The following CFAP20DC variants were observed in gnomAD, a reference collection of about 807,000 sequenced individuals.
The protein encoded by CFAP20DC is protein CFAP20DC.
In CFAP20DC, 84 loss-of-function variants were observed where a neutral mutation model predicts 101.7. That is an observed-to-expected ratio of 0.83 (90% confidence interval 0.69 to 0.99). The LOEUF is 0.99. Among genes scored for constraint, CFAP20DC ranks in the 50% least tolerant of loss-of-function variants. The pLI, the probability that CFAP20DC is intolerant of heterozygous loss-of-function variation, is 0.00. For synonymous variants in CFAP20DC, 359 were observed against 351.2 expected (o/e 1.02, Z -0.25); for missense variants, 1,007 against 970.3 (o/e 1.04, Z -0.50).
chr3:58,856,183 T>C (rs2078793889), intron 12 of CFAP20DC, among the ~76,000 whole-genome samples: 1 of 151,364 alleles, frequency 6.6e-6, no homozygotes, highest in South Asian at 2.1e-4. Flanking sequence ...AGAACTGCAT[T>C]GTTAAGGATC....
intron 7 of CFAP20DC, 56 bp downstream of exon 7, chr3:58,884,489 T>A: frequency 6.5e-7 from 1 of 1,539,458 alleles, no homozygotes; most frequent in Admixed American, 1.7e-5. Flanking sequence ...GAAGTCACAC[T>A]TTATGGGAGA....
At chr3:59,040,706 A>G (rs568009497) in intron 3 of CFAP20DC, among the ~76,000 whole-genome samples, 2 of 152,208 alleles carry the variant, frequency 1.3e-5, no homozygotes, top group Admixed American at 1.3e-4. Context: ...TAGTCTATAT[A>G]AAGAACTTCT....
chr3:58,763,715 T>G (rs2069927589), intron 15 of CFAP20DC, among the ~76,000 whole-genome samples: 1 of 152,222 alleles, frequency 6.6e-6, no homozygotes, highest in Non-Finnish European at 1.5e-5. Flanking sequence ...GATGAGGTTT[T>G]GGTGTGGATG....
At chr3:58,901,829 T>C (rs2083174063) in intron 6 of CFAP20DC, among the ~76,000 whole-genome samples, 1 of 152,202 alleles carries the variant, frequency 6.6e-6, no homozygotes, top group Non-Finnish European at 1.5e-5. Flanking sequence ...AGTACATTCA[T>C]AATGTTGTGC....
chr3:58,994,389 A>G (rs2093043377), intron 4 of CFAP20DC, among the ~76,000 whole-genome samples: 1 of 152,134 alleles, frequency 6.6e-6, no homozygotes, highest in Non-Finnish European at 1.5e-5. Context: ...TTGATCTTCT[A>G]TCATTCTGGT....
intron 4 of CFAP20DC, chr3:58,953,476 T>C (rs981447689): frequency 1.2e-4 from 19 of 152,346 alleles, no homozygotes; most frequent in African/African-American, 4.6e-4. Context: ...ATATTAGGAC[T>C]AAGCCATCCA....
At chr3:58,984,203 T>G (rs183825778) in intron 4 of CFAP20DC, among the ~76,000 whole-genome samples, 71 of 152,356 alleles carry the variant, frequency 4.7e-4, no homozygotes, top group Non-Finnish European at 9.1e-4. Context: ...AAAACCTTTC[T>G]TTTGAAGTGC....
At chr3:58,895,821 T>C (rs2082624525) in intron 6 of CFAP20DC, among the ~76,000 whole-genome samples, 1 of 152,114 alleles carries the variant, frequency 6.6e-6, no homozygotes, top group African/African-American at 2.4e-5. Context: ...AGAATCATGG[T>C]GAAAGGCAAG....
rs1031769193 is a variant in CFAP20DC at position 58,729,879 on chromosome 3, A to G, written c.198-12251T>C. Among the ~76,000 whole-genome samples the G allele has an allele frequency of 2.0e-5, 3 of 152,010 alleles. No homozygotes were observed. Among genetic ancestry groups the G allele is most frequent in the African/African-American group, 7.3e-5 (3 of 41,376 alleles). On this transcript the variant is annotated intron_variant, in intron 3 of 3. Transcript: ENST00000486145. This position sits in a 1 kb window ranked among gnomAD's most constrained non-coding sequence, Gnocchi z 4.4. ...ACTAAAAATACAAAATTAGCAGGGC[A>G]TGATGGTGCGCACCTGTAATCCCAG... is the stretch of plus-strand genomic sequence containing the variant.
chr3:58,958,915 C>T (rs1358456761), intron 4 of CFAP20DC, among the ~76,000 whole-genome samples: 1 of 151,796 alleles, frequency 6.6e-6, no homozygotes. Flanking sequence ...GGTTTGTCTT[C>T]ATTTACTTAT....
intron 13 of CFAP20DC, among the ~76,000 whole-genome samples, chr3:58,845,740 T>TG (rs1294574161): frequency 6.7e-6 from 1 of 150,182 alleles, no homozygotes; most frequent in African/African-American, 2.4e-5. Context: ...ATATCCTTGA[T>TG]GAACATTGAT....
intron 3 of CFAP20DC, among the ~76,000 whole-genome samples, chr3:58,720,221 C>T (rs2067452487): frequency 6.6e-6 from 1 of 152,260 alleles, no homozygotes; most frequent in South Asian, 2.1e-4. Flanking sequence ...GTCTTGTTCA[C>T]TGCTCAGAGC....
chr3:58,866,763 AC>A, intron 10 of CFAP20DC, 75 bp from the exon 11 acceptor site: 1 of 929,890 alleles, frequency 1.1e-6, no homozygotes, highest in Non-Finnish European at 1.6e-6. Flanking sequence ...AGAATGGTTT[AC>A]TTTGGTATAC....
rs776833028 is a variant in CFAP20DC, at chr3:58,884,681, A to G, written c.579T>C (p.Asp193=). The change falls in exon 7 of 17, where the codon GAT becomes GAC. Residue 193 remains aspartate (D), a synonymous_variant. Coordinates refer to ENST00000482387, the MANE Select transcript of CFAP20DC (RefSeq NM_001394063.1). The part of the protein sequence containing the change: ...DAVYGVPFST[D]EPTDIIPRSC... ...TTCGTGGTATAATATCTGTAGGCTC[A>G]TCTGTTGAAAAGGGAACACCATAGA... 24 of 1,613,716 alleles carry G rather than the reference A, an allele frequency of 1.5e-5. No individual in the cohort carries two copies. Among genetic ancestry groups the G allele is most frequent in the Non-Finnish European group, 1.8e-5 (21 of 1,179,744 alleles).
chr3:58,774,789 T>A (rs1409634927), intron 15 of CFAP20DC, among the ~76,000 whole-genome samples: 2 of 152,256 alleles, frequency 1.3e-5, no homozygotes, highest in Non-Finnish European at 2.9e-5. Flanking sequence ...AATACAAGAT[T>A]GGTTTATTAA....
chr3:58,775,240 G>A (rs2071217550), intron 15 of CFAP20DC, among the ~76,000 whole-genome samples: 1 of 152,186 alleles, frequency 6.6e-6, no homozygotes, highest in African/African-American at 2.4e-5. Flanking sequence ...TCACAGGTAG[G>A]TGAGAGACAA....
rs1418236952 is a variant in CFAP20DC, at chr3:58,913,511, T to C, written c.550+197A>G. ...AAAACAACCACAAAAAGAAGATTAA[T>C]ACCTTTTTTGTGACATTCAGCTATA... On this transcript the variant is annotated intron_variant, in intron 6 of 16. Transcript: ENST00000482387. This position sits in a 1 kb window ranked among gnomAD's most constrained non-coding sequence, Gnocchi z 4.4. 9.7e-6 allele frequency: 6 copies of C among 620,128 alleles called. No individual in the cohort carries two copies. Among genetic ancestry groups the C allele is most frequent in the African/African-American group, 1.8e-5 (1 of 54,088 alleles). 38.4% of individuals were successfully genotyped at this position (620,128 alleles called of 1,614,324 possible).
chr3:58,926,803 G>A (rs2086035445), intron 5 of CFAP20DC, among the ~76,000 whole-genome samples: 1 of 152,156 alleles, frequency 6.6e-6, no homozygotes, highest in South Asian at 2.1e-4. Context: ...CTGGGTATCT[G>A]AATTCTAGAG....
intron 5 of CFAP20DC, among the ~76,000 whole-genome samples, chr3:58,930,889 A>G (rs2086559747): frequency 6.6e-6 from 1 of 152,170 alleles, no homozygotes; most frequent in African/African-American, 2.4e-5. Context: ...TACCGGGTTC[A>G]TCTCACTAGG....
Sources: allele counts gnomAD v4.1 joint callset (sites outside exome capture counted in the v4.1 genomes callset), GRCh38; gene constraint gnomAD v4.1.1; non-coding constraint Gnocchi (gnomAD v3.1); transcripts MANE v1.5; gene names NCBI Gene and HGNC (gene_info 2026-07-23, HGNC 2026-07-21).